Variants in L3MBTL2 observed in about 807,000 individuals in gnomAD.
L3MBTL2 encodes the protein L3MBTL histone methyl-lysine binding protein 2.
In L3MBTL2, 49 loss-of-function variants were observed where a neutral mutation model predicts 86.4. The observed-to-expected ratio is 0.57, with a 90% CI of 0.45 to 0.72. The LOEUF (loss-of-function observed/expected upper bound fraction) is 0.72. Ranked by LOEUF, L3MBTL2 falls within the 30% of genes least tolerant of loss-of-function variation. The pLI, the probability that L3MBTL2 is intolerant of heterozygous loss-of-function variation, is 0.00. For missense variants in L3MBTL2, 755 were observed against 923.7 expected, an observed-to-expected ratio of 0.82 and a Z score of 2.37; for synonymous variants, 336 against 350.6, an observed-to-expected ratio of 0.96 and a Z score of 0.47.
intron 2 of L3MBTL2, among the ~76,000 whole-genome samples, chr22:41,211,156 A>G (rs915351357): frequency 3.3e-5 from 5 of 152,178 alleles, no homozygotes; most frequent in Non-Finnish European, 7.3e-5. Context: ...GAAGAGAGGC[A>G]GGCTGGATAG....
At chr22:41,218,491 T>TG (rs1437781574) in intron 5 of L3MBTL2, 1 of 151,880 alleles carries the variant, frequency 6.6e-6, no homozygotes, top group Non-Finnish European at 1.5e-5. Flanking sequence ...CCAGCCTGGG[T>TG]GACGGAGCAA....
chr22:41,227,030 C>A lies in L3MBTL2; in HGVS notation c.1588-59C>A. ...TTCTTCAAGTGCCTCCGGGCCGGGG[C>A]AAGCCTGCTGGGGTAGGGAGCTGAC... On this transcript the variant is annotated intron_variant, in intron 13 of 16. Transcript: ENST00000216237. The surrounding 1 kb of genome is among the most constrained non-coding windows in gnomAD (Gnocchi z 6.0). 1 of 1,471,450 alleles carries A rather than the reference C, an allele frequency of 6.8e-7. No individual in the cohort carries two copies. The allele number at this position is 1,471,450 out of a possible 1,614,324, so 91.1% of individuals were successfully genotyped here.
chr22:41,215,012 T>C (rs537494092), intron 3 of L3MBTL2, among the ~76,000 whole-genome samples: 4 of 152,100 alleles, frequency 2.6e-5, no homozygotes, highest in Admixed American at 2.0e-4. Context: ...GTAAAATATA[T>C]TGATGCTTGG....
chr22:41,208,743 G>A (rs1008558847), intron 1 of L3MBTL2, among the ~76,000 whole-genome samples: 2 of 152,058 alleles, frequency 1.3e-5, no homozygotes, highest in African/African-American at 2.4e-5. Context: ...GAACGGGGAA[G>A]AATTTTTGTT....
At chr22:41,211,489 G>C (rs550262667) in intron 2 of L3MBTL2, among the ~76,000 whole-genome samples, 4 of 150,776 alleles carry the variant, frequency 2.7e-5, no homozygotes, top group Non-Finnish European at 4.4e-5. Flanking sequence ...ACAGGCATGA[G>C]CCACCGCACC....
At chr22:41,217,052 C>G in intron 4 of L3MBTL2, 71 bp from the exon 5 acceptor site, 1 of 1,279,768 alleles carries the variant, frequency 7.8e-7, no homozygotes, top group South Asian at 1.2e-5. Flanking sequence ...CCCACAGGGC[C>G]CTTGGGGTCC....
At chr22:41,214,978 T>A (rs772036560) in intron 3 of L3MBTL2, among the ~76,000 whole-genome samples, 84 of 143,192 alleles carry the variant, frequency 5.9e-4, no homozygotes, top group Non-Finnish European at 1.1e-3. Flanking sequence ...GCCACTGCAC[T>A]CCAGCCTGGG....
chr22:41,217,215 G>A lies in L3MBTL2; in HGVS notation c.600+13G>A, dbSNP rs780607161. 1 of 1,606,076 alleles carries A rather than the reference G, an allele frequency of 6.2e-7. No homozygotes were observed. Among genetic ancestry groups the A allele is most frequent in the Non-Finnish European group, 8.5e-7 (1 of 1,174,890 alleles). ...CTGTTTCAAGCACGTGAGTGCCCTG[G>A]AGCTGAGGGAGGGAGGCCGGGGAGC... On this transcript the variant is annotated intron_variant, in intron 5 of 16. Coordinates refer to ENST00000216237, the MANE Select transcript of L3MBTL2 (RefSeq NM_031488.5).
chr22:41,227,833 G>T lies in L3MBTL2; in HGVS notation c.1852G>T (p.Ala618Ser). The change falls in exon 15 of 17, where the codon GCC becomes TCC. Residue 618 changes from alanine (A) to serine (S), a missense_variant. Ala to Ser is a moderately conservative substitution (Grantham distance 99). Around this residue, in one of 3 missense-constraint regions of L3MBTL2, gnomAD observed 634 missense variants for 748.9 expected, o/e 0.85. Coordinates refer to ENST00000216237, the MANE Select transcript of L3MBTL2 (RefSeq NM_031488.5). The surrounding 1 kb of genome is among the most constrained non-coding windows in gnomAD (Gnocchi z 6.0). ...EPATPLKAKE[A>S]TKKKKKQFGK... The stretch of plus-strand genomic sequence containing the variant: ...GGCCACACCGCTGAAGGCCAAAGAG[G>T]CCACAAAGAAGAAAAAGAAACAGTT... 6.2e-7 allele frequency: 1 copy of T among 1,613,406 alleles called. No homozygotes were observed. The highest frequency in any genetic ancestry group is 8.5e-7 in the Non-Finnish European group (1 of 1,179,642).
At position 41,219,496 on chromosome 22, in the gene L3MBTL2, C is replaced by G; in HGVS notation, c.678C>G (p.Pro226=). The G allele has an allele frequency of 6.2e-7, 1 of 1,613,914 alleles. No individual in the cohort carries two copies. Among genetic ancestry groups the G allele is most frequent in the Non-Finnish European group, 8.5e-7 (1 of 1,179,856 alleles). The part of the protein sequence containing the change: ...VEVLNSDAVL[P]SRVYWIASVI... ...TGCTCAACAGTGATGCTGTGCTCCC[C>G]AGCCGGGTGTACTGGATCGCCTCTG... The change falls in exon 6 of 17, where the codon CCC becomes CCG. Residue 226 remains proline, a synonymous_variant. Transcript: ENST00000216237.
intron 13 of L3MBTL2, 149 bp downstream of exon 13, chr22:41,226,893 T>A: frequency 1.3e-6 from 1 of 750,026 alleles, no homozygotes; most frequent in Non-Finnish European, 2.2e-6. Flanking sequence ...AGCTATGGCC[T>A]GGGCACTCCA....
chr22:41,221,366 A>G (rs936063514), intron 8 of L3MBTL2, 79 bp downstream of exon 8: 2 of 1,210,796 alleles, frequency 1.7e-6, no homozygotes, highest in East Asian at 5.1e-5. Flanking sequence ...TCACTGGAGC[A>G]TGTTACCTAA....
Position 41,221,300 on chromosome 22 carries a change from C to A in L3MBTL2, c.942+13C>A, listed in dbSNP as rs752309793. On this transcript the variant is annotated intron_variant, in intron 8 of 16. Transcript: ENST00000216237. Reference sequence around the variant, plus strand: ...TTTCCACATCAAGGTCGGCAGTGAGCCCTTAACTGATGTGCCTCCTTCCGC... The same window carrying A: ...TTTCCACATCAAGGTCGGCAGTGAGACCTTAACTGATGTGCCTCCTTCCGC... The A allele has an allele frequency of 4.1e-5, 64 of 1,548,790 alleles. No homozygotes were observed. Among genetic ancestry groups the A allele is most frequent in the Non-Finnish European group, 5.0e-5 (57 of 1,144,430 alleles).
At chr22:41,212,613 G>A (rs948164028) in intron 2 of L3MBTL2, among the ~76,000 whole-genome samples, 2 of 151,964 alleles carry the variant, frequency 1.3e-5, no homozygotes, top group African/African-American at 4.8e-5. Flanking sequence ...GTGAAGTCAC[G>A]GGCCAGGCAT....
In L3MBTL2 at chr22:41,224,991, G is replaced by A. The variant is rs775254420; in HGVS notation, c.1276G>A (p.Gly426Ser). 6 of 1,613,958 alleles carry A rather than the reference G, an allele frequency of 3.7e-6. No individual in the cohort carries two copies. The highest frequency in any genetic ancestry group is 3.3e-5 in the South Asian group (3 of 91,062). Reference sequence around the variant, plus strand: ...GGTACGAGCAGTCTACACAGAAGGCGGTTGGTTTGAGGAAGGGATGAAGCT... The same window carrying A: ...GGTACGAGCAGTCTACACAGAAGGCAGTTGGTTTGAGGAAGGGATGAAGCT... Reference protein sequence around the residue: ...KKVRAVYTEGGWFEEGMKLEA... With the variant: ...KKVRAVYTEGSWFEEGMKLEA... Residue 426 changes from glycine (G) to serine (S), a missense_variant, in exon 11 of 17, where the codon GGT becomes AGT. Physicochemically the swap from Gly to Ser is moderately conservative, Grantham distance 56. Around this residue, in one of 3 missense-constraint regions of L3MBTL2, gnomAD observed 634 missense variants for 748.9 expected, o/e 0.85. Coordinates refer to ENST00000216237, the MANE Select transcript of L3MBTL2 (RefSeq NM_031488.5). The surrounding 1 kb of genome is among the most constrained non-coding windows in gnomAD (Gnocchi z 4.9).
intron 5 of L3MBTL2, chr22:41,218,514 A>AGTG: frequency 6.6e-6 from 1 of 152,230 alleles, no homozygotes; most frequent in Non-Finnish European, 1.5e-5. Flanking sequence ...CTCTAAAAAA[A>AGTG]GTGATTCTCC....
rs1033163008 is a variant in L3MBTL2, at chr22:41,227,647, C to T, written c.1823-157C>T. On this transcript the variant is annotated intron_variant, in intron 14 of 16. Transcript: ENST00000216237. The surrounding 1 kb of genome is among the most constrained non-coding windows in gnomAD (Gnocchi z 6.0). ...AGAAGGGACAGCTGTTCTCCGGCCC[C>T]TCCTCCAGCCCCGCCCTCTCCTCAT... 3 of 1,554,686 alleles carry T rather than the reference C, an allele frequency of 1.9e-6. No individual in the cohort carries two copies. Among genetic ancestry groups the T allele is most frequent in the South Asian group, 1.2e-5 (1 of 84,162 alleles).
At chr22:41,223,903 G>A (rs1423967897) in intron 8 of L3MBTL2, 117 bp from the exon 9 acceptor site, 16 of 798,644 alleles carry the variant, frequency 2.0e-5, no homozygotes, top group South Asian at 5.0e-5. Context: ...GCCACCTCCC[G>A]ACTGACTGAG....
Position 41,225,602 on chromosome 22 carries a change from G to A in L3MBTL2, c.1357-192G>A, listed in dbSNP as rs569771281. 6.6e-6 allele frequency among the ~76,000 whole-genome samples: 1 copy of A among 152,366 alleles called. No individual in the cohort carries two copies. The highest frequency in any genetic ancestry group is 1.9e-4 in the East Asian group (1 of 5,184). On this transcript the variant is annotated intron_variant, in intron 11 of 16. Transcript: ENST00000216237. This position sits in a 1 kb window ranked among gnomAD's most constrained non-coding sequence, Gnocchi z 4.1. ...GTGGTGTTTGCTGTCTAGTGGGGAA[G>A]AGAAAGAATCCCACGCGTATGCATC...
Sources: gnomAD v4.1 joint callset for allele counts (sites outside exome capture counted in the v4.1 genomes callset) on GRCh38, gnomAD v4.1.1 for gene constraint, gnomAD v4.1.1 regional missense constraint, Gnocchi (gnomAD v3.1) non-coding constraint, MANE v1.5 for transcripts, NCBI Gene and HGNC (gene_info 2026-07-23, HGNC 2026-07-21) for gene names.